The following MARCHF3 variants were observed in gnomAD, a reference collection of about 807,000 sequenced individuals.
The protein encoded by MARCHF3 is E3 ubiquitin-protein ligase MARCHF3.
MARCHF3 carries 13 observed loss-of-function variants against 24.2 expected under a neutral mutation model. That is an observed-to-expected ratio of 0.54 (90% CI 0.35 to 0.85). The LOEUF is 0.85. Ranked by LOEUF, MARCHF3 falls within the 40% of genes least tolerant of loss-of-function variation. The probability of loss-of-function intolerance (pLI) is 0.01; values close to 1 mark genes in which losing one functional copy is unlikely to be tolerated. For missense variants in MARCHF3, 276 were observed against 325.0 expected (o/e 0.85, Z 1.16); for synonymous variants, 144 against 137.3 (o/e 1.05, Z -0.34).
At chr5:126,909,447 G>C (rs936747229) in intron 3 of MARCHF3, among the ~76,000 whole-genome samples, 30 of 152,350 alleles carry the variant, frequency 2.0e-4, no homozygotes, top group Admixed American at 7.8e-4. Flanking sequence ...TTTGATCTCA[G>C]ACTGCTGTGC....
At chr5:127,017,880 AC>A (rs1209900202) in intron 1 of MARCHF3, among the ~76,000 whole-genome samples, 1 of 152,222 alleles carries the variant, frequency 6.6e-6, no homozygotes, top group Non-Finnish European at 1.5e-5. Flanking sequence ...TCAAATGACA[AC>A]CAGCATCCTA....
At chr5:126,926,623 T>C (rs1749305473) in intron 1 of MARCHF3, among the ~76,000 whole-genome samples, 1 of 152,086 alleles carries the variant, frequency 6.6e-6, no homozygotes, top group African/African-American at 2.4e-5. Context: ...CATGGCCTTT[T>C]CACACATTTA....
chr5:126,984,056 T>C (rs1015012396), intron 1 of MARCHF3, among the ~76,000 whole-genome samples: 6 of 151,978 alleles, frequency 3.9e-5, no homozygotes, highest in Non-Finnish European at 8.8e-5. Context: ...GGGGATATTA[T>C]GCAATGCTAA....
chr5:126,954,563 G>T (rs1157949043), intron 1 of MARCHF3, among the ~76,000 whole-genome samples: 3 of 151,130 alleles, frequency 2.0e-5, no homozygotes, highest in Non-Finnish European at 4.4e-5. Context: ...GTAGAGAGGG[G>T]TCTCCCTATG....
intron 3 of MARCHF3, among the ~76,000 whole-genome samples, chr5:126,901,092 T>C (rs1345566585): frequency 6.6e-6 from 1 of 152,040 alleles, no homozygotes; most frequent in Non-Finnish European, 1.5e-5. Context: ...TAGGTCTGAG[T>C]TGCAGCTTCC....
At chr5:126,990,385 C>T (rs1243816761) in intron 1 of MARCHF3, among the ~76,000 whole-genome samples, 1 of 151,956 alleles carries the variant, frequency 6.6e-6, no homozygotes, top group African/African-American at 2.4e-5. Context: ...ATGCCTTGTA[C>T]AAAAAATAAT....
intron 3 of MARCHF3, among the ~76,000 whole-genome samples, chr5:126,880,649 C>T (rs748925557): frequency 6.6e-6 from 1 of 152,106 alleles, no homozygotes; most frequent in African/African-American, 2.4e-5. Context: ...AGAAGAGGAT[C>T]GAGATCTCTA....
intron 2 of MARCHF3, among the ~76,000 whole-genome samples, chr5:126,916,300 G>A (rs1195949182): frequency 1.3e-5 from 2 of 152,170 alleles, no homozygotes; most frequent in Non-Finnish European, 2.9e-5. Context: ...GACAATCCTA[G>A]GACCAGCCTC....
rs1267051961 is a variant in MARCHF3 at position 127,000,049 on chromosome 5, A to G, written c.-57+30301T>C. 2.0e-5 allele frequency among the ~76,000 whole-genome samples: 3 copies of G among 149,312 alleles called. No individual in the cohort carries two copies. The East Asian group carries it at 5.8e-4, about 29-fold the overall frequency. ...TATAAGATCATTAATATTAGAATAT[A>G]TAATATAGAATATATATTATTCTGT... On this transcript the variant is annotated intron_variant, in intron 1 of 4. Coordinates refer to ENST00000308660, the MANE Select transcript of MARCHF3 (RefSeq NM_178450.5).
chr5:126,988,721 C>T (rs1751646572), intron 1 of MARCHF3, among the ~76,000 whole-genome samples: 1 of 151,966 alleles, frequency 6.6e-6, no homozygotes, highest in Non-Finnish European at 1.5e-5. Context: ...AGCAAAAAGG[C>T]AAGAGTATAA....
intron 1 of MARCHF3, among the ~76,000 whole-genome samples, chr5:126,970,612 T>C (rs1279513202): frequency 1.3e-5 from 2 of 152,154 alleles, no homozygotes; most frequent in African/African-American, 4.8e-5. Context: ...TCTTGAGAGA[T>C]GTGGTTGTGA....
chr5:126,892,288 C>T (rs1366494357), intron 3 of MARCHF3, among the ~76,000 whole-genome samples: 1 of 149,970 alleles, frequency 6.7e-6, no homozygotes, highest in African/African-American at 2.5e-5. Context: ...ATTTCCTTCT[C>T]CTGCCTAATT....
chr5:126,899,338 T>C (rs1754027767), intron 3 of MARCHF3: 1 of 982,672 alleles, frequency 1.0e-6, no homozygotes, highest in African/African-American at 1.7e-5. Context: ...AGTGTTTTCC[T>C]TTCTGGGTTG....
chr5:126,870,118 G>C lies in MARCHF3; in HGVS notation c.*515C>G, dbSNP rs868498026. ...GTCTCCTTGAGTAATGGACGCGAAA[G>C]AGATGAAAAAGACCACTCAGGCTAC... On this transcript the variant is annotated 3_prime_UTR_variant, in exon 5 of 5. Coordinates refer to ENST00000308660, the MANE Select transcript of MARCHF3 (RefSeq NM_178450.5). The C allele has an allele frequency of 1.3e-5, 2 of 152,536 alleles. No individual in the cohort carries two copies. The highest frequency in any genetic ancestry group is 2.9e-5 in the Non-Finnish European group (2 of 68,038). 9.4% of individuals were successfully genotyped at this position (152,536 alleles called of 1,614,324 possible). A position where few individuals can be genotyped will look rare whatever the true frequency, so the allele number is the denominator to read the frequency against.
chr5:126,969,369 T>C (rs1028230369), intron 1 of MARCHF3, among the ~76,000 whole-genome samples: 4 of 152,194 alleles, frequency 2.6e-5, no homozygotes, highest in Non-Finnish European at 5.9e-5. Flanking sequence ...GAGCTGATTC[T>C]GGAAAGGTGT....
intron 4 of MARCHF3, among the ~76,000 whole-genome samples, chr5:126,873,326 A>G (rs1217944330): frequency 6.6e-6 from 1 of 151,596 alleles, no homozygotes; most frequent in East Asian, 1.9e-4. Flanking sequence ...CATACATTTT[A>G]GTGTTCTTGG....
chr5:126,890,532 G>T (rs1268465324), intron 3 of MARCHF3, among the ~76,000 whole-genome samples: 1 of 149,614 alleles, frequency 6.7e-6, no homozygotes, highest in South Asian at 2.1e-4. Flanking sequence ...GTGAGAATAT[G>T]CAGTGTTTGG....
At chr5:126,887,483 T>C (rs1324349682) in intron 3 of MARCHF3, among the ~76,000 whole-genome samples, 2 of 152,246 alleles carry the variant, frequency 1.3e-5, no homozygotes, top group East Asian at 1.9e-4. Context: ...ATCATTTACA[T>C]TTTATATTAC....
At chr5:126,886,794 C>T (rs554910964) in intron 3 of MARCHF3, among the ~76,000 whole-genome samples, 24 of 152,318 alleles carry the variant, frequency 1.6e-4, no homozygotes, top group Non-Finnish European at 2.8e-4. Flanking sequence ...ATTCCTCTCT[C>T]AGGGTGGCCC....
Sources: gnomAD v4.1 joint callset for allele counts (sites outside exome capture counted in the v4.1 genomes callset) on GRCh38, gnomAD v4.1.1 for gene constraint, MANE v1.5 for transcripts, NCBI Gene and HGNC (gene_info 2026-07-23, HGNC 2026-07-21) for gene names.